ENKUR: variants seen among roughly 807,000 people sequenced by gnomAD.
The protein encoded by ENKUR is enkurin, TRPC channel interacting protein.
A neutral mutation model predicts 27.6 loss-of-function variants in ENKUR; 19 were observed. The ratio of observed to expected loss-of-function variants is 0.69; its 90% CI spans 0.48 to 1.01. ENKUR has a LOEUF of 1.01. Among genes scored for constraint, ENKUR ranks in the 50% least tolerant of loss-of-function variants. The pLI is 0.00. For synonymous variants in ENKUR, 117 were observed against 96.9 expected, an observed-to-expected ratio of 1.21 and a Z score of -1.22; for missense variants, 312 against 310.5, an observed-to-expected ratio of 1.00 and a Z score of -0.04.
chr10:25,033,575 G>A (rs1850961061), intron 2 of ENKUR, among the ~76,000 whole-genome samples: 1 of 152,034 alleles, frequency 6.6e-6, no homozygotes, highest in African/African-American at 2.4e-5. Flanking sequence ...ATCAAGGAAA[G>A]GAAAACTTGT....
upstream of ENKUR, among the ~76,000 whole-genome samples, chr10:25,017,714 A>G (rs1850635754): frequency 6.6e-6 from 1 of 152,074 alleles, no homozygotes; most frequent in Non-Finnish European, 1.5e-5. Flanking sequence ...TTGTCTTCCA[A>G]AACATTTTAG....
rs887594376 is a variant in ENKUR at position 25,025,714 on chromosome 10, A to G, written c.38-29845T>C. The G allele has an allele frequency of 2.0e-5, 8 of 395,658 alleles. No homozygotes were observed. In the East Asian group the frequency reaches 3.1e-4, roughly 15 times the overall value. The allele number at this position is 395,658 out of a possible 1,614,324, so 24.5% of individuals were successfully genotyped here. A position where few individuals can be genotyped will look rare whatever the true frequency, so the allele number is the denominator to read the frequency against. The stretch of plus-strand genomic sequence containing the variant: ...TTTGCCTTCTGCTCATGAGGGGTGT[A>G]TCAATTTCCACTCCCACACCCTCAC... On this transcript the variant is annotated intron_variant, in intron 2 of 5. Coordinates refer to the ENKUR transcript ENST00000615958.
intron 1 of ENKUR, among the ~76,000 whole-genome samples, chr10:25,001,482 C>T (rs1048299016): frequency 4.0e-5 from 6 of 151,824 alleles, no homozygotes; most frequent in East Asian, 1.9e-4. Context: ...TTTCCTCATC[C>T]GTTTTCTCCT....
intron 4 of ENKUR, among the ~76,000 whole-genome samples, chr10:24,986,021 T>C (rs1849770703): frequency 6.6e-6 from 1 of 152,130 alleles, no homozygotes. Flanking sequence ...TGAGCGATGA[T>C]TGCGCCACTG....
intron 2 of ENKUR, chr10:25,023,941 G>A: frequency 6.2e-7 from 1 of 1,614,190 alleles, no homozygotes; most frequent in Non-Finnish European, 8.5e-7. Context: ...CGTTTGGCCT[G>A]AAGACTGTGA....
chr10:25,011,984 G>C (rs1850457328), intron 1 of ENKUR, among the ~76,000 whole-genome samples: 1 of 152,162 alleles, frequency 6.6e-6, no homozygotes, highest in Admixed American at 6.5e-5. Context: ...TCATGGGCTG[G>C]GCCCAGGGCC....
intron 1 of ENKUR, among the ~76,000 whole-genome samples, chr10:25,005,850 C>T (rs140927512): frequency 3.3e-5 from 5 of 152,242 alleles, no homozygotes; most frequent in Admixed American, 6.5e-5. Context: ...CTCTCACAAG[C>T]TGTTGAGTGA....
intron 2 of ENKUR, chr10:25,024,491 G>T (rs1196340967): frequency 6.2e-7 from 1 of 1,614,088 alleles, no homozygotes; most frequent in African/African-American, 1.3e-5. Flanking sequence ...ATAATTGGCA[G>T]TCAGAGAGAA....
intron 3 of ENKUR, among the ~76,000 whole-genome samples, chr10:24,993,982 G>A (rs932878250): frequency 6.6e-6 from 1 of 152,136 alleles, no homozygotes; most frequent in Non-Finnish European, 1.5e-5. Context: ...GTGGGACAAC[G>A]ACTATAAAAC....
intron 2 of ENKUR, among the ~76,000 whole-genome samples, chr10:25,050,700 A>G (rs1302641372): frequency 5.3e-5 from 8 of 152,150 alleles, no homozygotes; most frequent in African/African-American, 2.4e-5. Flanking sequence ...GGTGATAAGA[A>G]TGTGCAGAGG....
At chr10:25,021,154 A>G (rs1356399788), upstream of ENKUR, among the ~76,000 whole-genome samples, 3 of 152,184 alleles carry the variant, frequency 2.0e-5, no homozygotes, top group African/African-American at 7.2e-5. Flanking sequence ...TTTGGGTTCA[A>G]TTTATATATT....
At position 25,027,389 on chromosome 10, in the gene ENKUR, T is replaced by TAAAAAAAAAAAAA. The variant is rs1850877047; in HGVS notation, c.38-31521_38-31520insTTTTTTTTTTTTT. 8.6e-5 allele frequency among the ~76,000 whole-genome samples: 5 copies of TAAAAAAAAAAAAA among 58,268 alleles called. No homozygotes were observed. The East Asian group carries it at 2.6e-3, about 30-fold the overall frequency. The allele number at this position is 58,268 out of a possible 152,430, so 38.2% of individuals were successfully genotyped here. A position where few individuals can be genotyped will look rare whatever the true frequency, so the allele number is the denominator to read the frequency against. ...AAAAAAAAAAAAAAAAAAAAAAAACTAGCCAGGCATGGTGGCGCATGCCTG... is the reference window on the plus strand; with the variant it reads ...AAAAAAAAAAAAAAAAAAAAAAAACTAAAAAAAAAAAAAAGCCAGGCATGGTGGCGCATGCCTG... On this transcript the variant is annotated intron_variant, in intron 2 of 5. Transcript: ENST00000615958.
intron 2 of ENKUR, among the ~76,000 whole-genome samples, chr10:25,022,878 A>G (rs1325261452): frequency 6.6e-6 from 1 of 152,218 alleles, no homozygotes; most frequent in African/African-American, 2.4e-5. Context: ...TTTTAAAAGC[A>G]TCTACAATCT....
chr10:25,016,188 A>T, upstream of ENKUR: 6 of 1,177,834 alleles, frequency 5.1e-6, no homozygotes, highest in Non-Finnish European at 6.3e-6. Flanking sequence ...TTACTAGGCA[A>T]CGAGGAAGTG....
intron 3 of ENKUR, among the ~76,000 whole-genome samples, chr10:24,991,598 C>T (rs943783406): frequency 6.6e-6 from 1 of 152,108 alleles, no homozygotes; most frequent in Non-Finnish European, 1.5e-5. Flanking sequence ...GAGGAGAGCC[C>T]GGGCCACAGA....
intron 5 of ENKUR, 135 bp from the exon 6 acceptor site, chr10:24,984,511 A>G (rs1849737623): frequency 1.6e-6 from 2 of 1,230,314 alleles, no homozygotes; most frequent in Middle Eastern, 5.4e-4. Context: ...ATATTCTCAA[A>G]TTTAATAGTT....
chr10:25,057,415 AC>A (rs879525004), intron 2 of ENKUR, among the ~76,000 whole-genome samples: 14 of 150,266 alleles, frequency 9.3e-5, no homozygotes, highest in South Asian at 4.3e-4. Context: ...ACACACACAC[AC>A]ACACACACAC....
chr10:24,989,109 A>AT lies in ENKUR; in HGVS notation c.594+1353dup, dbSNP rs916351278. On this transcript the variant is annotated intron_variant, in intron 4 of 5. Transcript: ENST00000331161. ...CTTCTAAGTTCTTTGTCATATTCTT[A>AT]TTTTTCAGCATCATTTAGGTGTAAA... 5.3e-5 allele frequency among the ~76,000 whole-genome samples: 8 copies of AT among 152,190 alleles called. 1 individual carries two copies. Among genetic ancestry groups the AT allele is most frequent in the Non-Finnish European group, 1.0e-4 (7 of 68,008 alleles).
rs181714638 is a variant in ENKUR at position 25,032,441 on chromosome 10, T to A, written c.37+28671A>T. 3.6e-3 allele frequency among the ~76,000 whole-genome samples: 541 copies of A among 152,206 alleles called. 2 individuals carry two copies. The highest frequency in any genetic ancestry group is 0.01 in the Middle Eastern group (3 of 294). ...ATGCCTAATATCCCAGAATTTGAAG[T>A]CTCTCCGTAGAATAAGCGCTTAATC... On this transcript the variant is annotated intron_variant, in intron 2 of 5. Transcript: ENST00000615958.
Sources: gnomAD v4.1 joint callset for allele counts (sites outside exome capture counted in the v4.1 genomes callset) on GRCh38, gnomAD v4.1.1 for gene constraint, MANE v1.5 for transcripts, NCBI Gene and HGNC (gene_info 2026-07-23, HGNC 2026-07-21) for gene names.